SULF1: variants seen among roughly 807,000 people sequenced by gnomAD.
SULF1 encodes the protein sulfatase 1, also known as extracellular sulfatase Sulf-1.
A neutral mutation model predicts 110.5 loss-of-function variants in SULF1; 46 were observed. The ratio of observed to expected loss-of-function variants is 0.42; its 90% CI spans 0.33 to 0.53. The LOEUF (loss-of-function observed/expected upper bound fraction) is 0.53, where lower values mean the gene tolerates loss of function less well. Among genes scored for constraint, SULF1 ranks in the 20% least tolerant of loss-of-function variants. The pLI, the probability that SULF1 is intolerant of heterozygous loss-of-function variation, is 0.12. For synonymous variants in SULF1, 371 were observed against 387.1 expected, an observed-to-expected ratio of 0.96 and a Z score of 0.49; for missense variants, 941 against 1,094.2, an observed-to-expected ratio of 0.86 and a Z score of 1.98.
intron 1 of SULF1, chr8:69,473,216 T>G (rs1163588753): frequency 1.3e-5 from 2 of 152,214 alleles, no homozygotes; most frequent in Non-Finnish European, 2.9e-5. Flanking sequence ...TTTGCTGTTT[T>G]ATTTTTGTTT....
In SULF1 at chr8:69,557,499, A is replaced by G. The variant is rs373624667; in HGVS notation, c.-133-6040A>G. Among the ~76,000 whole-genome samples the G allele has an allele frequency of 2.6e-5, 4 of 152,180 alleles. No individual in the cohort carries two copies. In the South Asian group the frequency reaches 8.3e-4, roughly 32 times the overall value. ...TTATGAGGCAGAGTCTCAAAGGCAC[A>G]TTTCTCACTTCATCCTTCTCACTCT... On this transcript the variant is annotated intron_variant, in intron 3 of 22. Coordinates refer to ENST00000402687, the MANE Select transcript of SULF1 (RefSeq NM_001128205.2).
intron 10 of SULF1, among the ~76,000 whole-genome samples, chr8:69,602,464 G>T (rs73275048): frequency 2.2e-3 from 341 of 152,326 alleles, no homozygotes; most frequent in African/African-American, 7.7e-3. Context: ...AAAAGAAAAA[G>T]TGGAAGTAGA....
chr8:69,502,158 G>A (rs143690936), intron 3 of SULF1, among the ~76,000 whole-genome samples, 190 bp downstream of exon 3: 79 of 152,228 alleles, frequency 5.2e-4, no homozygotes, highest in Middle Eastern at 3.4e-3. Context: ...GGCCTTCCAC[G>A]TGGTAGAGCC....
rs1178065491 is a variant in SULF1 at position 69,638,540 on chromosome 8, A to G, written c.2323A>G (p.Thr775Ala). The part of the protein sequence containing the change: ...FCACTSSNNN[T>A]YWCLRTVNET... ...TGCTTGCACGAGTTCTAACAATAAC[A>G]CCTACTGGTGTTTGCGTACAGTTAA... is the stretch of plus-strand genomic sequence containing the variant. Residue 775 changes from threonine (T) to alanine (A), a missense_variant, in exon 20 of 23, where the codon ACC (threonine) becomes GCC (alanine). Coordinates refer to ENST00000402687, the MANE Select transcript of SULF1 (RefSeq NM_001128205.2). 6.2e-7 allele frequency: 1 copy of G among 1,613,758 alleles called. No homozygotes were observed. Among genetic ancestry groups the G allele is most frequent in the Non-Finnish European group, 8.5e-7 (1 of 1,179,952 alleles).
At chr8:69,476,731 A>G (rs1054138357) in intron 1 of SULF1, among the ~76,000 whole-genome samples, 2 of 152,150 alleles carry the variant, frequency 1.3e-5, no homozygotes. Context: ...CCTGTAATCT[A>G]TTTCTCACTC....
intron 22 of SULF1, among the ~76,000 whole-genome samples, chr8:69,656,057 G>T (rs1257519097): frequency 1.3e-5 from 2 of 152,180 alleles, no homozygotes; most frequent in African/African-American, 2.4e-5. Context: ...CTGCATTCTT[G>T]TGTGTTTCAA....
rs550963384 is a variant in SULF1, at chr8:69,495,646, C to T, written c.-390-119C>T. 3.3e-5 allele frequency: 5 copies of T among 152,278 alleles called. No individual in the cohort carries two copies. In the South Asian group the frequency reaches 1.0e-3, roughly 32 times the overall value. The allele number at this position is 152,278 out of a possible 1,614,324, so 9.4% of individuals were successfully genotyped here. A position where few individuals can be genotyped will look rare whatever the true frequency, so the allele number is the denominator to read the frequency against. On this transcript the variant is annotated intron_variant, in intron 1 of 22. Transcript: ENST00000402687. ...TCAAAGAGAGTAATTTTTACTTCTT[C>T]AGAGACTTCAGAAATGAGCAGAGAC...
intron 1 of SULF1, among the ~76,000 whole-genome samples, chr8:69,471,717 C>G (rs1189674260): frequency 1.3e-5 from 2 of 152,136 alleles, no homozygotes; most frequent in African/African-American, 4.8e-5. Flanking sequence ...GCTCCTTCCT[C>G]TGTAAAATAC....
intron 3 of SULF1, among the ~76,000 whole-genome samples, chr8:69,547,668 T>C (rs1025129477): frequency 6.6e-6 from 1 of 152,114 alleles, no homozygotes; most frequent in African/African-American, 2.4e-5. Flanking sequence ...AAGTGTGCCG[T>C]CTGCTCTAGC....
intron 13 of SULF1, among the ~76,000 whole-genome samples, chr8:69,617,821 G>A (rs1399423961): frequency 6.6e-6 from 1 of 152,118 alleles, no homozygotes; most frequent in African/African-American, 2.4e-5. Context: ...TGAAAGCATA[G>A]GTGCACTGAT....
Position 69,561,319 on chromosome 8 carries a change from A to G in SULF1, c.-133-2220A>G, listed in dbSNP as rs182058586. On this transcript the variant is annotated intron_variant, in intron 3 of 22. Transcript: ENST00000402687. Reference sequence around the variant, plus strand: ...GATACACTGTGGCAGAAAAAAATGTAGATCTTTTCTGCACCTTTCATTCAC... The same window carrying G: ...GATACACTGTGGCAGAAAAAAATGTGGATCTTTTCTGCACCTTTCATTCAC... Among the ~76,000 whole-genome samples the G allele has an allele frequency of 9.7e-4, 148 of 152,316 alleles. 1 individual carries two copies. Among genetic ancestry groups the G allele is most frequent in the South Asian group, 4.1e-4 (2 of 4,826 alleles).
chr8:69,609,968 G>A (rs1030771715), intron 13 of SULF1, among the ~76,000 whole-genome samples: 5 of 152,124 alleles, frequency 3.3e-5, no homozygotes, highest in African/African-American at 4.8e-5. Context: ...AGGTATTGAC[G>A]TCTTAAATAG....
At chr8:69,650,350 G>A (rs62512190) in intron 22 of SULF1, among the ~76,000 whole-genome samples, 10,207 of 152,012 alleles carry the variant, frequency 0.067, 482 homozygotes, top group African/African-American at 0.14. Flanking sequence ...GAGATTTCCC[G>A]GCCAGATATG....
Position 69,576,212 on chromosome 8 carries a change from A to T in SULF1, c.412+3A>T. 1 of 1,613,332 alleles carries T rather than the reference A, an allele frequency of 6.2e-7. No homozygotes were observed. The highest frequency in any genetic ancestry group is 2.2e-5 in the East Asian group (1 of 44,858). ...TAACAACACTGGCTACAGAACAGGTAAGGGATGACGTTTCTAGCCCATGAA... is the reference window on the plus strand; with the variant it reads ...TAACAACACTGGCTACAGAACAGGTTAGGGATGACGTTTCTAGCCCATGAA... On this transcript the variant is annotated splice_donor_region_variant and intron_variant, in intron 6 of 22. Coordinates refer to ENST00000402687, the MANE Select transcript of SULF1 (RefSeq NM_001128205.2).
intron 1 of SULF1, chr8:69,469,172 T>A (rs1415853694): frequency 6.6e-6 from 1 of 152,268 alleles, no homozygotes; most frequent in Non-Finnish European, 1.5e-5. Context: ...CAAAATCTAC[T>A]GTCCCAGGTG....
chr8:69,538,274 C>CTTTTTTTT (rs1164492515), intron 3 of SULF1, among the ~76,000 whole-genome samples: 3 of 54,082 alleles, frequency 5.5e-5, no homozygotes, highest in African/African-American at 8.9e-5. Flanking sequence ...ATTTCTGTTG[C>CTTTTTTTT]CTTTTTTTTT....
At chr8:69,645,841 T>C (rs985891799) in intron 22 of SULF1, among the ~76,000 whole-genome samples, 2 of 152,164 alleles carry the variant, frequency 1.3e-5, no homozygotes, top group Non-Finnish European at 2.9e-5. Flanking sequence ...ATGATGTATC[T>C]TCCAAACAGG....
intron 21 of SULF1, among the ~76,000 whole-genome samples, chr8:69,639,925 C>A (rs1238421733): frequency 6.6e-6 from 1 of 152,144 alleles, no homozygotes; most frequent in Non-Finnish European, 1.5e-5. Flanking sequence ...CAATCAACAC[C>A]TCTCAATTAA....
chr8:69,616,508 T>C (rs1413123925), intron 13 of SULF1, among the ~76,000 whole-genome samples: 1 of 152,090 alleles, frequency 6.6e-6, no homozygotes, highest in Non-Finnish European at 1.5e-5. Flanking sequence ...TTCAAGTGAT[T>C]CTCCTGCCTC....
Sources: allele counts gnomAD v4.1 joint callset (sites outside exome capture counted in the v4.1 genomes callset), GRCh38; gene constraint gnomAD v4.1.1; transcripts MANE v1.5; gene names NCBI Gene and HGNC (gene_info 2026-07-23, HGNC 2026-07-21).